Variants in EEPD1 observed in about 807,000 individuals in gnomAD.
EEPD1 encodes the protein endonuclease/exonuclease/phosphatase family domain-containing protein 1.
A neutral mutation model predicts 46.3 loss-of-function variants in EEPD1; 17 were observed. The ratio of observed to expected loss-of-function variants is 0.37; its 90% confidence interval spans 0.25 to 0.55. EEPD1 has a LOEUF of 0.55. Among genes scored for constraint, EEPD1 ranks in the 20% least tolerant of loss-of-function variants. EEPD1 has a pLI of 0.83. For missense variants in EEPD1, 673 were observed against 745.6 expected (o/e 0.90, Z 1.13); for synonymous variants, 313 against 315.6 (o/e 0.99, Z 0.09).
intron 2 of EEPD1, among the ~76,000 whole-genome samples, chr7:36,218,218 C>T (rs183395670): frequency 6.6e-6 from 1 of 152,228 alleles, no homozygotes; most frequent in East Asian, 1.9e-4. Context: ...AGTAGTCCCC[C>T]TTGTCCTCGG....
chr7:36,200,578 T>C (rs2726088), intron 2 of EEPD1, among the ~76,000 whole-genome samples: 149,431 of 152,312 alleles, frequency 0.98, 73,371 homozygotes, highest in East Asian at 1. Context: ...AATCATTAGC[T>C]TCACATTCCA....
chr7:36,179,734 G>A (rs543300919), intron 2 of EEPD1, among the ~76,000 whole-genome samples: 12 of 151,380 alleles, frequency 7.9e-5, no homozygotes, highest in Non-Finnish European at 1.6e-4. Flanking sequence ...TTTTCTGGGC[G>A]TGGTGGCGCA....
chr7:36,189,240 G>T (rs1329756134), intron 2 of EEPD1, among the ~76,000 whole-genome samples: 1 of 152,196 alleles, frequency 6.6e-6, no homozygotes, highest in Non-Finnish European at 1.5e-5. Context: ...AAAACTATTT[G>T]CTGACTGGTT....
chr7:36,254,149 C>CT (rs531643015), intron 3 of EEPD1, among the ~76,000 whole-genome samples: 137 of 152,130 alleles, frequency 9.0e-4, no homozygotes, highest in African/African-American at 3.1e-3. Context: ...TTTTATTATA[C>CT]TTTAAGTTCT....
At chr7:36,165,243 T>C (rs546993429) in intron 2 of EEPD1, among the ~76,000 whole-genome samples, 106 of 152,274 alleles carry the variant, frequency 7.0e-4, no homozygotes, top group African/African-American at 2.5e-3. Flanking sequence ...GTATTTGTAC[T>C]GTACTTCTTC....
At chr7:36,264,763 G>A (rs1180234227) in intron 3 of EEPD1, among the ~76,000 whole-genome samples, 2 of 152,132 alleles carry the variant, frequency 1.3e-5, no homozygotes, top group Admixed American at 6.5e-5. Context: ...TTAACAGGAA[G>A]GGAGCTCAAC....
At chr7:36,203,527 A>G (rs1785755133) in intron 2 of EEPD1, among the ~76,000 whole-genome samples, 1 of 152,216 alleles carries the variant, frequency 6.6e-6, no homozygotes, top group Non-Finnish European at 1.5e-5. Context: ...CTCAGCTGAA[A>G]GGCTCAAAGG....
chr7:36,285,156 C>T (rs955021178), intron 5 of EEPD1, among the ~76,000 whole-genome samples: 3 of 152,196 alleles, frequency 2.0e-5, no homozygotes, highest in African/African-American at 4.8e-5. Context: ...GACCCCACCT[C>T]AGACATACAG....
chr7:36,288,224 C>T (rs560595013), intron 6 of EEPD1, among the ~76,000 whole-genome samples: 7 of 152,142 alleles, frequency 4.6e-5, no homozygotes, highest in South Asian at 2.1e-4. Flanking sequence ...TTCTCTCTGG[C>T]GGGATACAGA....
intron 2 of EEPD1, among the ~76,000 whole-genome samples, chr7:36,227,993 C>T (rs996372184): frequency 1.3e-5 from 2 of 152,126 alleles, no homozygotes; most frequent in African/African-American, 4.8e-5. Context: ...CGGCCTAATC[C>T]CAGCACTTTG....
chr7:36,263,526 G>A (rs1273567704), intron 3 of EEPD1, among the ~76,000 whole-genome samples: 1 of 152,226 alleles, frequency 6.6e-6, no homozygotes, highest in Non-Finnish European at 1.5e-5. Context: ...TCACAGAGCA[G>A]AGCATCTTCC....
At chr7:36,213,155 A>C (rs1446747195) in intron 2 of EEPD1, among the ~76,000 whole-genome samples, 1 of 152,214 alleles carries the variant, frequency 6.6e-6, no homozygotes, top group Non-Finnish European at 1.5e-5. Context: ...TCCAACTCCA[A>C]AAAATAAAAA....
rs970101837 is a variant in EEPD1, at chr7:36,153,461, A to T, written c.-406A>T. 3.3e-5 allele frequency: 5 copies of T among 152,144 alleles called. No individual in the cohort carries two copies. Among genetic ancestry groups the T allele is most frequent in the African/African-American group, 1.2e-4 (5 of 41,434 alleles). The allele number at this position is 152,144 out of a possible 1,614,324, so 9.4% of individuals were successfully genotyped here. A position where few individuals can be genotyped will look rare whatever the true frequency, so the allele number is the denominator to read the frequency against. ...GCCTCCGAGCAGCCCTGCGGCTTCT[A>T]TTCACTCTGGGAGAGCGATGCTAAG... On this transcript the variant is annotated 5_prime_UTR_variant, in exon 1 of 8. Transcript: ENST00000242108.
At chr7:36,264,453 C>G (rs1394162227) in intron 3 of EEPD1, among the ~76,000 whole-genome samples, 1 of 152,188 alleles carries the variant, frequency 6.6e-6, no homozygotes, top group Non-Finnish European at 1.5e-5. Context: ...TGGACCACAT[C>G]GTGGCGTGTG....
At chr7:36,240,209 C>T (rs1370441188) in intron 3 of EEPD1, among the ~76,000 whole-genome samples, 1 of 152,178 alleles carries the variant, frequency 6.6e-6, no homozygotes, top group Non-Finnish European at 1.5e-5. Flanking sequence ...GCTGAGGCTA[C>T]AGTGAGCCAA....
At chr7:36,291,792 C>A (rs954288158) in intron 6 of EEPD1, among the ~76,000 whole-genome samples, 1 of 152,212 alleles carries the variant, frequency 6.6e-6, no homozygotes, top group Non-Finnish European at 1.5e-5. Context: ...GAACTGCTTT[C>A]CCTAAAGCCT....
At chr7:36,171,753 A>G (rs1399356510) in intron 2 of EEPD1, among the ~76,000 whole-genome samples, 1 of 152,210 alleles carries the variant, frequency 6.6e-6, no homozygotes, top group Non-Finnish European at 1.5e-5. Flanking sequence ...AGTTGGCCAT[A>G]TACTGCCTCT....
intron 4 of EEPD1, among the ~76,000 whole-genome samples, chr7:36,283,744 C>G (rs896811639): frequency 5.3e-5 from 8 of 152,324 alleles, no homozygotes; most frequent in African/African-American, 1.9e-4. Flanking sequence ...CATGTTCAGA[C>G]AAGGCATGTG....
In EEPD1 at chr7:36,217,594, C is replaced by T. The variant is rs906241728; in HGVS notation, c.879-21391C>T. On this transcript the variant is annotated intron_variant, in intron 2 of 7. Coordinates refer to ENST00000242108, the MANE Select transcript of EEPD1 (RefSeq NM_030636.3). ...TAGTAGGTCTCAGCCTTATTTTACC[C>T]AGCCCCTATTCAAGATGGAGTTGTT... Among the ~76,000 whole-genome samples the T allele has an allele frequency of 2.6e-5, 4 of 152,342 alleles. No individual in the cohort carries two copies. In the East Asian group the frequency reaches 7.7e-4, roughly 29 times the overall value.
Sources: gnomAD v4.1 joint callset for allele counts (sites outside exome capture counted in the v4.1 genomes callset) on GRCh38, gnomAD v4.1.1 for gene constraint, MANE v1.5 for transcripts, NCBI Gene and HGNC (gene_info 2026-07-23, HGNC 2026-07-21) for gene names.